CDR2L: variants seen among roughly 807,000 people sequenced by gnomAD.
CDR2L encodes cerebellar degeneration related protein 2 like.
In CDR2L, 19 loss-of-function variants were observed where a neutral mutation model predicts 36.1. The ratio of observed to expected loss-of-function variants is 0.53; its 90% confidence interval spans 0.37 to 0.77. The LOEUF is 0.77. Ranked by LOEUF, CDR2L falls within the 30% of genes least tolerant of loss-of-function variation. CDR2L has a pLI of 0.00. For synonymous variants in CDR2L, 285 were observed against 280.4 expected (o/e 1.02, Z -0.16); for missense variants, 575 against 627.2 (o/e 0.92, Z 0.89).
At chr17:74,992,500 C>A (rs1478284365) in intron 1 of CDR2L, among the ~76,000 whole-genome samples, 1 of 152,118 alleles carries the variant, frequency 6.6e-6, no homozygotes, top group Non-Finnish European at 1.5e-5. Flanking sequence ...CCAGCTCCCC[C>A]ATTCTCCCGT....
In CDR2L at chr17:74,988,136, C is replaced by T; in HGVS notation, c.79+14C>T. 1 of 1,516,622 alleles carries T rather than the reference C, an allele frequency of 6.6e-7. No homozygotes were observed. The highest frequency in any genetic ancestry group is 8.8e-7 in the Non-Finnish European group (1 of 1,130,598). The allele number at this position is 1,516,622 out of a possible 1,614,324, so 93.9% of individuals were successfully genotyped here. ...ACCTGGAGCAGGGTGAGCGCGGGGG[C>T]GACCGGGACAGGAAGGCGGGGAGCG... On this transcript the variant is annotated intron_variant, in intron 1 of 4. Transcript: ENST00000337231.
intron 3 of CDR2L, 127 bp from the exon 4 acceptor site, chr17:75,001,937 C>T (rs936810910): frequency 2.6e-6 from 2 of 771,292 alleles, no homozygotes; most frequent in Non-Finnish European, 4.0e-6. Context: ...CAGGACCAGA[C>T]AGCGGCTCAA....
chr17:74,999,580 G>A lies in CDR2L; in HGVS notation c.156G>A (p.Met52Ile). 2 of 1,585,898 alleles carry A rather than the reference G, an allele frequency of 1.3e-6. No individual in the cohort carries two copies. Among genetic ancestry groups the A allele is most frequent in the Non-Finnish European group, 1.7e-6 (2 of 1,166,334 alleles). ...AGCTGGAGGGGTCCCTGCAGCAGAT[G>A]TACTCCACCAATGAGGAACAGGTGC... ...NKELEGSLQQMYSTNEEQVQE... is the reference protein window; with the variant it reads ...NKELEGSLQQIYSTNEEQVQE... Residue 52 changes from methionine to isoleucine, a missense_variant, in exon 2 of 5, where the codon ATG becomes ATA. Met to Ile is a conservative substitution (Grantham distance 10, BLOSUM62 1). Coordinates refer to ENST00000337231, the MANE Select transcript of CDR2L (RefSeq NM_014603.3).
At chr17:74,991,490 G>A (rs916480578) in intron 1 of CDR2L, among the ~76,000 whole-genome samples, 1 of 151,590 alleles carries the variant, frequency 6.6e-6, no homozygotes, top group African/African-American at 2.4e-5. Context: ...GGCCGAGGCG[G>A]ATGGATCACA....
At position 75,001,486 on chromosome 17, in the gene CDR2L, A is replaced by G; in HGVS notation, c.338A>G (p.His113Arg). ...LESKAAQQKI[H>R]GLTETIERLQ... ...AGTAAGGCTGCCCAGCAGAAGATCC[A>G]TGGGTGAGGGCCCGGCTGAGGGCTG... Residue 113 changes from histidine to arginine, a missense_variant, in exon 3 of 5, where the codon CAT (histidine) becomes CGT (arginine). His to Arg is a conservative substitution (Grantham distance 29, BLOSUM62 0). Transcript: ENST00000337231. 2 of 1,561,218 alleles carry G rather than the reference A, an allele frequency of 1.3e-6. No individual in the cohort carries two copies. Among genetic ancestry groups the G allele is most frequent in the Non-Finnish European group, 1.7e-6 (2 of 1,155,928 alleles).
chr17:75,001,086 T>C (rs1167830010), intron 2 of CDR2L, among the ~76,000 whole-genome samples: 1 of 151,412 alleles, frequency 6.6e-6, no homozygotes, highest in Non-Finnish European at 1.5e-5. Context: ...ATACCAAAAT[T>C]AGCCAGGCAT....
rs928807054 is a variant in CDR2L at position 75,002,766 on chromosome 17, G to C, written c.507-417G>C. ...ACTATAGTGCCCCAGGGTTGCAGCA[G>C]AGAGGAGCTGCCACCAGCCCTAGGC... On this transcript the variant is annotated intron_variant, in intron 4 of 4. Transcript: ENST00000337231. This position sits in a 1 kb window ranked among gnomAD's most constrained non-coding sequence, Gnocchi z 4.1. 2.6e-5 allele frequency among the ~76,000 whole-genome samples: 4 copies of C among 152,200 alleles called. No individual in the cohort carries two copies. Among genetic ancestry groups the C allele is most frequent in the African/African-American group, 9.7e-5 (4 of 41,444 alleles).
chr17:74,995,768 G>T (rs180671540), intron 1 of CDR2L, among the ~76,000 whole-genome samples: 1 of 152,158 alleles, frequency 6.6e-6, no homozygotes, highest in Admixed American at 6.5e-5. Context: ...CTCTCAAAGT[G>T]CTGGGATTAT....
chr17:74,988,387 C>G (rs2039776773), intron 1 of CDR2L, among the ~76,000 whole-genome samples: 2 of 152,194 alleles, frequency 1.3e-5, no homozygotes, highest in Admixed American at 1.3e-4. Flanking sequence ...ATCCGTCATC[C>G]AGCTCGCCCA....
chr17:74,994,456 C>CT (rs2039813689), intron 1 of CDR2L, among the ~76,000 whole-genome samples: 1 of 152,172 alleles, frequency 6.6e-6, no homozygotes, highest in African/African-American at 2.4e-5. Context: ...GAAGGCCTAC[C>CT]TTTTGTCCCA....
chr17:74,988,813 G>T (rs1469287725), intron 1 of CDR2L, among the ~76,000 whole-genome samples: 1 of 152,182 alleles, frequency 6.6e-6, no homozygotes, highest in Admixed American at 6.5e-5. Context: ...AATAAAGAGG[G>T]ATACATCTCC....
In CDR2L at chr17:75,002,196, C is replaced by T. The variant is rs145442073; in HGVS notation, c.474C>T (p.Phe158=). 44 of 1,610,080 alleles carry T rather than the reference C, an allele frequency of 2.7e-5. No individual in the cohort carries two copies. The African/African-American group carries it at 5.6e-4, about 21-fold the overall frequency. Residue 158 remains phenylalanine, a synonymous_variant, in exon 4 of 5, where the codon TTC becomes TTT. Coordinates refer to ENST00000337231, the MANE Select transcript of CDR2L (RefSeq NM_014603.3). The surrounding 1 kb of genome is among the most constrained non-coding windows in gnomAD (Gnocchi z 4.1). The part of the protein sequence containing the change: ...KRERRRTIHT[F]PCLKELCTSP... ...AACGCAGGCGTACCATCCACACCTT[C>T]CCCTGCCTCAAGGAGCTGTGCACCA...
In CDR2L at chr17:75,004,427, CTTTTT is replaced by C; in HGVS notation, c.*364_*368del. ...CTGAAAGCCATTCTGGATCAGTTGG[CTTTTT>C]TTTTTTTTTTGGTTAAGTTTGTTTT... On this transcript the variant is annotated 3_prime_UTR_variant, in exon 5 of 5. Coordinates refer to ENST00000337231, the MANE Select transcript of CDR2L (RefSeq NM_014603.3). 3 of 155,748 alleles carry C rather than the reference CTTTTT, an allele frequency of 1.9e-5. No homozygotes were observed. The highest frequency in any genetic ancestry group is 4.1e-5 in the Non-Finnish European group (3 of 73,386). 9.6% of individuals were successfully genotyped at this position (155,748 alleles called of 1,614,324 possible). A position where few individuals can be genotyped will look rare whatever the true frequency, so the allele number is the denominator to read the frequency against.
chr17:75,002,056 GC>G lies in CDR2L; in HGVS notation c.342-3del. The G allele has an allele frequency of 2.6e-6, 4 of 1,566,560 alleles. No individual in the cohort carries two copies. The highest frequency in any genetic ancestry group is 3.4e-6 in the Non-Finnish European group (4 of 1,160,786). On this transcript the variant is annotated splice_polypyrimidine_tract_variant and splice_region_variant and intron_variant, in intron 3 of 4. Transcript: ENST00000337231. This position sits in a 1 kb window ranked among gnomAD's most constrained non-coding sequence, Gnocchi z 4.1. The stretch of plus-strand genomic sequence containing the variant: ...AAAGTCCCTGTGTGTCCACCACCCC[GC>G]CCCCAGGCTGACGGAGACCATTGAG...
intron 1 of CDR2L, among the ~76,000 whole-genome samples, chr17:74,996,371 G>C (rs563056728): frequency 3.3e-5 from 5 of 149,706 alleles, no homozygotes; most frequent in African/African-American, 1.2e-4. Context: ...TTGAACCCGG[G>C]AGGCGGAGGT....
At chr17:74,998,884 G>A (rs989270327) in intron 1 of CDR2L, among the ~76,000 whole-genome samples, 5 of 152,186 alleles carry the variant, frequency 3.3e-5, no homozygotes, top group Non-Finnish European at 5.9e-5. Flanking sequence ...AGTGGGGCTG[G>A]GAGGGCATCT....
intron 1 of CDR2L, among the ~76,000 whole-genome samples, chr17:74,991,985 A>G (rs2039800148): frequency 6.6e-6 from 1 of 152,128 alleles, no homozygotes; most frequent in Non-Finnish European, 1.5e-5. Context: ...GGTTACCCCA[A>G]AGGTGACCTG....
At chr17:74,999,450 C>T in intron 1 of CDR2L, 54 bp from the exon 2 acceptor site, 1 of 1,250,680 alleles carries the variant, frequency 8.0e-7, no homozygotes, top group Non-Finnish European at 1.1e-6. Flanking sequence ...ATGCTCGGAA[C>T]ATGAATGGGC....
At position 75,003,693 on chromosome 17, in the gene CDR2L, A is replaced by G; in HGVS notation, c.1017A>G (p.Thr339=). The change falls in exon 5 of 5, where the codon ACA becomes ACG. Residue 339 remains threonine (T), a synonymous_variant. Transcript: ENST00000337231. The stretch of plus-strand genomic sequence containing the variant: ...CCAGCCGGCACGCGGGCAACCTCAC[A>G]CTGCACGCCAACAGCGTGCGCAAGC... ...DPASRHAGNL[T]LHANSVRKRG... is the part of the protein sequence containing the mutation. The G allele has an allele frequency of 6.8e-7, 1 of 1,463,668 alleles. No homozygotes were observed. Among genetic ancestry groups the G allele is most frequent in the Non-Finnish European group, 9.0e-7 (1 of 1,106,856 alleles). The allele number at this position is 1,463,668 out of a possible 1,614,324, so 90.7% of individuals were successfully genotyped here.
Sources: allele counts gnomAD v4.1 joint callset (sites outside exome capture counted in the v4.1 genomes callset), GRCh38; gene constraint gnomAD v4.1.1; non-coding constraint Gnocchi (gnomAD v3.1); transcripts MANE v1.5; gene names NCBI Gene and HGNC (gene_info 2026-07-23, HGNC 2026-07-21).